Variants in CTNNA3 observed in about 807,000 individuals in gnomAD.
CTNNA3 encodes the protein catenin alpha 3.
In CTNNA3, 76 loss-of-function variants were observed where a neutral mutation model predicts 95.7. The ratio of observed to expected loss-of-function variants is 0.79; its 90% CI spans 0.66 to 0.96. The LOEUF (loss-of-function observed/expected upper bound fraction) is 0.96, where lower values mean the gene tolerates loss of function less well. CTNNA3 is among the 40% of genes least tolerant of loss of function. The pLI, the probability that CTNNA3 is intolerant of heterozygous loss-of-function variation, is 0.00. For missense variants in CTNNA3, 1,191 were observed against 1,089.8 expected (o/e 1.09, Z -1.31); for synonymous variants, 431 against 374.4 (o/e 1.15, Z -1.74).
intron 12 of CTNNA3, among the ~76,000 whole-genome samples, chr10:66,345,425 A>G (rs188887525): frequency 6.6e-6 from 1 of 152,242 alleles, no homozygotes; most frequent in East Asian, 1.9e-4. Context: ...GGCAGTGTGA[A>G]TGGCTGATGG....
intron 9 of CTNNA3, among the ~76,000 whole-genome samples, chr10:66,705,280 A>G (rs543773913): frequency 6.6e-6 from 1 of 152,198 alleles, no homozygotes; most frequent in South Asian, 2.1e-4. Flanking sequence ...TTAAAAATAA[A>G]TTTTTGTATC....
intron 11 of CTNNA3, among the ~76,000 whole-genome samples, chr10:66,406,199 A>T (rs1441415355): frequency 1.3e-5 from 2 of 152,232 alleles, no homozygotes; most frequent in African/African-American, 4.8e-5. Context: ...CCCAAAGAAG[A>T]CCCACCTCCA....
At position 66,199,797 on chromosome 10, in the gene CTNNA3, ATATATATATTTT is replaced by A. The variant is rs1434297743; in HGVS notation, c.1884+80661_1884+80672del. On this transcript the variant is annotated intron_variant, in intron 13 of 17. Transcript: ENST00000433211. ...TATATATATATATATATATATATAT[ATATATATATTTT>A]TTTTTTTTTTTTTTTTTTTTTTTTA... Among the ~76,000 whole-genome samples the A allele has an allele frequency of 3.4e-3, 56 of 16,404 alleles. 2 individuals carry two copies. Among genetic ancestry groups the A allele is most frequent in the African/African-American group, 9.4e-3 (55 of 5,876 alleles). 10.8% of individuals were successfully genotyped at this position (16,404 alleles called of 152,430 possible).
rs534146754 is a variant in CTNNA3 at position 66,658,115 on chromosome 10, T to C, written c.1282-36331A>G. 3.1e-3 allele frequency among the ~76,000 whole-genome samples: 473 copies of C among 152,292 alleles called. 1 individual carries two copies. Among genetic ancestry groups the C allele is most frequent in the Non-Finnish European group, 5.5e-3 (372 of 68,026 alleles). On this transcript the variant is annotated intron_variant, in intron 9 of 17. Transcript: ENST00000433211. ...GCTACTTTATTGTTTTGGTTGTTAT[T>C]GTTTTCACAACTTTCACCTAACTCT...
At chr10:66,574,901 A>G (rs1432787005) in intron 10 of CTNNA3, among the ~76,000 whole-genome samples, 1 of 152,120 alleles carries the variant, frequency 6.6e-6, no homozygotes, top group Admixed American at 6.6e-5. Context: ...AATGTTGGCC[A>G]TCTTGTATGG....
At chr10:67,652,966 C>T (rs1839919505) in intron 1 of CTNNA3, among the ~76,000 whole-genome samples, 1 of 152,074 alleles carries the variant, frequency 6.6e-6, no homozygotes, top group South Asian at 2.1e-4. Flanking sequence ...GTCAGGTGTC[C>T]CTGTATTAAG....
rs1345723341 is a variant in CTNNA3 at position 66,017,067 on chromosome 10, C to A, written c.2160-28270G>T. On this transcript the variant is annotated intron_variant, in intron 15 of 17. Coordinates refer to ENST00000433211, the MANE Select transcript of CTNNA3 (RefSeq NM_013266.4). ...AATAAAGTTCACCATATAATCTGAA[C>A]TACATAAATGCCTGGACTATATTGC... Among the ~76,000 whole-genome samples, 4 of 152,066 alleles carry A rather than the reference C, an allele frequency of 2.6e-5. No individual in the cohort carries two copies. In the East Asian group the frequency reaches 7.7e-4, roughly 29 times the overall value.
intron 6 of CTNNA3, among the ~76,000 whole-genome samples, chr10:67,196,286 A>G (rs1054249812): frequency 2.0e-5 from 3 of 152,092 alleles, no homozygotes; most frequent in Non-Finnish European, 4.4e-5. Flanking sequence ...AATTAGCAAG[A>G]TGATCAATAC....
chr10:67,044,954 G>A (rs764950638), intron 7 of CTNNA3, among the ~76,000 whole-genome samples: 38 of 152,118 alleles, frequency 2.5e-4, no homozygotes, highest in Non-Finnish European at 4.9e-4. Flanking sequence ...AAGTAAATAA[G>A]ATTTGATATT....
chr10:66,316,182 C>T (rs79731139), intron 12 of CTNNA3, among the ~76,000 whole-genome samples: 9 of 151,922 alleles, frequency 5.9e-5, no homozygotes, highest in African/African-American at 1.9e-4. Flanking sequence ...AATGGTTTAC[C>T]CAATTTTTGG....
At chr10:66,947,495 C>T (rs985161018) in intron 7 of CTNNA3, among the ~76,000 whole-genome samples, 1 of 152,100 alleles carries the variant, frequency 6.6e-6, no homozygotes, top group African/African-American at 2.4e-5. Flanking sequence ...ATTTAAGCAA[C>T]TGAGCCTGCC....
At chr10:66,361,567 T>C (rs1468044761) in intron 12 of CTNNA3, among the ~76,000 whole-genome samples, 1 of 151,432 alleles carries the variant, frequency 6.6e-6, no homozygotes, top group Non-Finnish European at 1.5e-5. Context: ...AGATAGGGTC[T>C]TGTTCTGTCT....
At chr10:67,278,410 T>C (rs999025849) in intron 5 of CTNNA3, among the ~76,000 whole-genome samples, 13 of 152,220 alleles carry the variant, frequency 8.5e-5, no homozygotes, top group African/African-American at 2.6e-4. Flanking sequence ...AGAAACACAT[T>C]GGTTTGGTTC....
At chr10:66,201,783 CTTTT>C (rs1236010501) in intron 13 of CTNNA3, among the ~76,000 whole-genome samples, 41 of 79,378 alleles carry the variant, frequency 5.2e-4, no homozygotes, top group Admixed American at 1.4e-3. Flanking sequence ...TTTACTTTTT[CTTTT>C]TTTTTTTTTT....
At chr10:67,185,876 T>C (rs1434977804) in intron 6 of CTNNA3, among the ~76,000 whole-genome samples, 1 of 151,684 alleles carries the variant, frequency 6.6e-6, no homozygotes, top group East Asian at 1.9e-4. Context: ...AAAAATTAGC[T>C]AGGCATGGTG....
At chr10:66,428,351 G>C (rs1364296871) in intron 11 of CTNNA3, among the ~76,000 whole-genome samples, 2 of 152,122 alleles carry the variant, frequency 1.3e-5, no homozygotes, top group African/African-American at 4.8e-5. Context: ...CAATGAGACA[G>C]AAAGTTAACA....
chr10:67,432,357 AC>A (rs1439128228), intron 5 of CTNNA3, among the ~76,000 whole-genome samples: 1 of 152,044 alleles, frequency 6.6e-6, no homozygotes, highest in Non-Finnish European at 1.5e-5. Context: ...GGCTGCTTAA[AC>A]AAATTGCTAC....
intron 11 of CTNNA3, among the ~76,000 whole-genome samples, chr10:66,391,291 A>G (rs1346383578): frequency 6.6e-6 from 1 of 152,092 alleles, no homozygotes; most frequent in Non-Finnish European, 1.5e-5. Context: ...TTCACACACA[A>G]TTCTATAGAA....
intron 7 of CTNNA3, among the ~76,000 whole-genome samples, chr10:66,901,690 A>C (rs1378683359): frequency 6.6e-6 from 1 of 152,242 alleles, no homozygotes; most frequent in African/African-American, 2.4e-5. Context: ...AGATCTACCA[A>C]GCAAATGGAA....
Sources: allele counts gnomAD v4.1 joint callset (sites outside exome capture counted in the v4.1 genomes callset), GRCh38; gene constraint gnomAD v4.1.1; transcripts MANE v1.5; gene names NCBI Gene and HGNC (gene_info 2026-07-23, HGNC 2026-07-21).